The following JAKMIP1 variants were observed in gnomAD, a reference collection of about 807,000 sequenced individuals.
JAKMIP1 encodes janus kinase and microtubule-interacting protein 1.
Under a neutral mutation model 113.0 loss-of-function variants are expected in JAKMIP1, and 33 were observed. The ratio of observed to expected loss-of-function variants is 0.29; its 90% CI spans 0.22 to 0.39. The LOEUF (loss-of-function observed/expected upper bound fraction) is 0.39. Among genes scored for constraint, JAKMIP1 ranks in the 10% least tolerant of loss-of-function variants. The pLI, the probability that JAKMIP1 is intolerant of heterozygous loss-of-function variation, is 1.00. For missense variants in JAKMIP1, 813 were observed against 1,080.5 expected (o/e 0.75, Z 3.47); for synonymous variants, 480 against 459.9 (o/e 1.04, Z -0.56).
intron 8 of JAKMIP1, among the ~76,000 whole-genome samples, chr4:6,066,685 A>G (rs892932804): frequency 3.4e-5 from 5 of 148,722 alleles, no homozygotes; most frequent in South Asian, 2.1e-4. Context: ...CCCTGGGAGA[A>G]ACCCTGTTGT....
At chr4:6,054,563 C>T (rs764395890) in intron 12 of JAKMIP1, among the ~76,000 whole-genome samples, 6 of 152,206 alleles carry the variant, frequency 3.9e-5, no homozygotes, top group Non-Finnish European at 8.8e-5. Flanking sequence ...ATTCAACCCA[C>T]CCAGACAGAG....
chr4:6,061,494 C>T lies in JAKMIP1; in HGVS notation c.1560+818G>A, dbSNP rs1027701228. Among the ~76,000 whole-genome samples, 1 of 152,328 alleles carries T rather than the reference C, an allele frequency of 6.6e-6. No homozygotes were observed. Among genetic ancestry groups the T allele is most frequent in the East Asian group, 1.9e-4 (1 of 5,182 alleles). ...CCATCGCCTTTAAGACTACCAAAAT[C>T]CATCCATTTGTGGAATTCCCAAACA... On this transcript the variant is annotated intron_variant, in intron 10 of 20. Coordinates refer to ENST00000409021, the MANE Select transcript of JAKMIP1 (RefSeq NM_001099433.2). This position sits in a 1 kb window ranked among gnomAD's most constrained non-coding sequence, Gnocchi z 5.3.
chr4:6,084,810 C>T, intron 5 of JAKMIP1, 36 bp downstream of exon 5: 1 of 1,601,622 alleles, frequency 6.2e-7, no homozygotes, highest in South Asian at 1.1e-5. Context: ...TTCCTTGCAC[C>T]CTATGAGGCA....
In JAKMIP1 at chr4:6,086,025, T is replaced by C. The variant is rs1229039033; in HGVS notation, c.625-396A>G. Among the ~76,000 whole-genome samples, 2 of 151,990 alleles carry C rather than the reference T, an allele frequency of 1.3e-5. 1 individual carries two copies. Among genetic ancestry groups the C allele is most frequent in the Non-Finnish European group, 2.9e-5 (2 of 67,988 alleles). On this transcript the variant is annotated intron_variant, in intron 3 of 20. Transcript: ENST00000409021. The surrounding 1 kb of genome is among the most constrained non-coding windows in gnomAD (Gnocchi z 4.1). The stretch of plus-strand genomic sequence containing the variant: ...AGGACCATGTCTCCCTCTCAGTCAT[T>C]GACCCTCTCCTGCCTGGCCACAACT...
In JAKMIP1 at chr4:6,097,826, G is replaced by C. The variant is rs1712089010; in HGVS notation, c.624+7647C>G. 6.6e-6 allele frequency among the ~76,000 whole-genome samples: 1 copy of C among 152,186 alleles called. No homozygotes were observed. The highest frequency in any genetic ancestry group is 2.1e-4 in the South Asian group (1 of 4,830). ...TAGGCAGCTTGGAGAAACGCAATCT[G>C]GTTCCCTTGATCAAAAGCACCCAAG... On this transcript the variant is annotated intron_variant, in intron 3 of 20. Transcript: ENST00000409021. This position sits in a 1 kb window ranked among gnomAD's most constrained non-coding sequence, Gnocchi z 4.3.
intron 1 of JAKMIP1, among the ~76,000 whole-genome samples, chr4:6,119,682 G>A (rs936079082): frequency 6.6e-6 from 1 of 152,246 alleles, no homozygotes; most frequent in Non-Finnish European, 1.5e-5. Context: ...TCCACACTGT[G>A]TGTGATCTCA....
rs1717305760 is a variant in JAKMIP1, at chr4:6,061,698, AG to A, written c.1560+613del. The stretch of plus-strand genomic sequence containing the variant: ...GGCCAGTGTGGGGGTGAGATGGGGG[AG>A]GGGATGCAGGGAAGCACCCGTGTGT... On this transcript the variant is annotated intron_variant, in intron 10 of 20. Coordinates refer to ENST00000409021, the MANE Select transcript of JAKMIP1 (RefSeq NM_001099433.2). The surrounding 1 kb of genome is among the most constrained non-coding windows in gnomAD (Gnocchi z 5.3). 7.6e-6 allele frequency among the ~76,000 whole-genome samples: 1 copy of A among 132,228 alleles called. No individual in the cohort carries two copies. The highest frequency in any genetic ancestry group is 2.8e-5 in the African/African-American group (1 of 35,304). 86.7% of individuals were successfully genotyped at this position (132,228 alleles called of 152,430 possible).
Position 6,069,407 on chromosome 4 carries a change from G to A in JAKMIP1, c.1303-4399C>T, listed in dbSNP as rs138991659. On this transcript the variant is annotated intron_variant, in intron 8 of 20. Coordinates refer to ENST00000409021, the MANE Select transcript of JAKMIP1 (RefSeq NM_001099433.2). The surrounding 1 kb of genome is among the most constrained non-coding windows in gnomAD (Gnocchi z 4.5). ...GCCTTCCATGTTCCTTGCAACCAAA[G>A]CCTCTCCTTGTTGACTCGTTTCTAC... 6.6e-6 allele frequency among the ~76,000 whole-genome samples: 1 copy of A among 152,282 alleles called. No individual in the cohort carries two copies. The highest frequency in any genetic ancestry group is 2.4e-5 in the African/African-American group (1 of 41,568).
At chr4:6,082,677 G>A (rs1310417738) in intron 5 of JAKMIP1, among the ~76,000 whole-genome samples, 1 of 151,968 alleles carries the variant, frequency 6.6e-6, no homozygotes, top group Non-Finnish European at 1.5e-5. Context: ...TAATTTTTTT[G>A]TATTTTTAGA....
Position 6,081,681 on chromosome 4 carries a change from A to G in JAKMIP1, c.1029T>C (p.Asn343=). The part of the protein sequence containing the change: ...VEKNKRMNKK[N]EDLLQSIQRM... ...TCTGGATACTCTGCAACAGATCCTC[A>G]TTCTTCTTGTTCATCCGCTTGTTCT... Residue 343 remains asparagine (N), a synonymous_variant, in exon 6 of 21, where the codon AAT becomes AAC. Coordinates refer to ENST00000409021, the MANE Select transcript of JAKMIP1 (RefSeq NM_001099433.2). This position sits in a 1 kb window ranked among gnomAD's most constrained non-coding sequence, Gnocchi z 4.6. 1 of 1,614,144 alleles carries G rather than the reference A, an allele frequency of 6.2e-7. No homozygotes were observed.
At position 6,086,893 on chromosome 4, in the gene JAKMIP1, G is replaced by T. The variant is rs1242877778; in HGVS notation, c.625-1264C>A. Among the ~76,000 whole-genome samples the T allele has an allele frequency of 6.6e-6, 1 of 152,072 alleles. No homozygotes were observed. The highest frequency in any genetic ancestry group is 1.5e-5 in the Non-Finnish European group (1 of 68,016). Reference sequence around the variant, plus strand: ...ACAGCCTCAAGCCAAGGAACTCAAGGTCAGCCAGCAACACCAGCATCAGGA... The same window carrying T: ...ACAGCCTCAAGCCAAGGAACTCAAGTTCAGCCAGCAACACCAGCATCAGGA... On this transcript the variant is annotated intron_variant, in intron 3 of 20. Coordinates refer to ENST00000409021, the MANE Select transcript of JAKMIP1 (RefSeq NM_001099433.2). This position sits in a 1 kb window ranked among gnomAD's most constrained non-coding sequence, Gnocchi z 4.1.
chr4:6,078,013 G>A (rs1320584196), intron 8 of JAKMIP1, among the ~76,000 whole-genome samples: 3 of 152,044 alleles, frequency 2.0e-5, no homozygotes, highest in Non-Finnish European at 4.4e-5. Flanking sequence ...TATCACATTT[G>A]CACAGCTGTT....
At position 6,056,747 on chromosome 4, in the gene JAKMIP1, C is replaced by A; in HGVS notation, c.1657G>T (p.Val553Phe). ...CTGATGAGCAGCTGCTTCTCTTCAA[C>A]CCACTTGGAATCCTAAGGAAAAGTA... ...LVEKGQDSKW[V>F]EEKQLLIRTN... Residue 553 changes from valine (V) to phenylalanine (F), a missense_variant, in exon 12 of 21, where the codon GTT becomes TTT. Around this residue, in one of 2 missense-constraint regions of JAKMIP1, gnomAD observed 273 missense variants for 426.6 expected, o/e 0.64. Coordinates refer to ENST00000409021, the MANE Select transcript of JAKMIP1 (RefSeq NM_001099433.2). 1 of 1,612,642 alleles carries A rather than the reference C, an allele frequency of 6.2e-7. No individual in the cohort carries two copies. The highest frequency in any genetic ancestry group is 8.5e-7 in the Non-Finnish European group (1 of 1,178,930).
At chr4:6,070,113 C>G (rs1718750340) in intron 8 of JAKMIP1, 1 of 398,908 alleles carries the variant, frequency 2.5e-6, no homozygotes, top group Middle Eastern at 6.3e-4. Flanking sequence ...CACCAGGGCA[C>G]AGAGACACAG....
chr4:6,096,920 A>G (rs923528488), intron 3 of JAKMIP1, among the ~76,000 whole-genome samples: 1 of 152,248 alleles, frequency 6.6e-6, no homozygotes, highest in Non-Finnish European at 1.5e-5. Context: ...ACATTGAAAC[A>G]TCGGAAGGCA....
In JAKMIP1 at chr4:6,067,702, A is replaced by G. The variant is rs372027126; in HGVS notation, c.1303-2694T>C. Among the ~76,000 whole-genome samples, 179 of 132,596 alleles carry G rather than the reference A, an allele frequency of 1.3e-3. No homozygotes were observed. Among genetic ancestry groups the G allele is most frequent in the Admixed American group, 2.2e-3 (27 of 12,544 alleles). The allele number at this position is 132,596 out of a possible 152,430, so 87.0% of individuals were successfully genotyped here. ...GGTTCACTCAAGCTCTTCTGCACAC[A>G]CAGGTCACCCCCCTGAGCTCCACGT... On this transcript the variant is annotated intron_variant, in intron 8 of 20. Coordinates refer to ENST00000409021, the MANE Select transcript of JAKMIP1 (RefSeq NM_001099433.2). The surrounding 1 kb of genome is among the most constrained non-coding windows in gnomAD (Gnocchi z 4.6).
intron 19 of JAKMIP1, among the ~76,000 whole-genome samples, chr4:6,035,009 TACA>T (rs990870463): frequency 6.6e-6 from 1 of 152,154 alleles, no homozygotes; most frequent in Non-Finnish European, 1.5e-5. Flanking sequence ...AGGCTTGAAA[TACA>T]ACAACTCTTC....
rs1482073212 is a variant in JAKMIP1, at chr4:6,184,222, G to A, written c.-148+16031C>T. 2.2e-4 allele frequency among the ~76,000 whole-genome samples: 34 copies of A among 152,158 alleles called. No individual in the cohort carries two copies. The highest frequency in any genetic ancestry group is 6.5e-5 in the Admixed American group (1 of 15,280). The stretch of plus-strand genomic sequence containing the variant: ...AGAGGTGAGTGTATCACACTGTCCT[G>A]TGAGTATCATCCCTTCTCAATAGGC... On this transcript the variant is annotated intron_variant, in intron 1 of 20. Coordinates refer to ENST00000409021, the MANE Select transcript of JAKMIP1 (RefSeq NM_001099433.2). This position sits in a 1 kb window ranked among gnomAD's most constrained non-coding sequence, Gnocchi z 4.5.
intron 11 of JAKMIP1, among the ~76,000 whole-genome samples, chr4:6,058,048 C>T (rs749561565): frequency 3.5e-4 from 54 of 152,356 alleles, no homozygotes; most frequent in African/African-American, 9.6e-4. Flanking sequence ...ACTGATTCAG[C>T]GTCCCAGGTA....
Sources: gnomAD v4.1 joint callset for allele counts (sites outside exome capture counted in the v4.1 genomes callset) on GRCh38, gnomAD v4.1.1 for gene constraint, gnomAD v4.1.1 regional missense constraint, Gnocchi (gnomAD v3.1) non-coding constraint, MANE v1.5 for transcripts, NCBI Gene and HGNC (gene_info 2026-07-23, HGNC 2026-07-21) for gene names.